Variants in PDE1C observed in about 807,000 individuals in gnomAD.
PDE1C encodes phosphodiesterase 1C, also known as dual specificity calcium/calmodulin-dependent 3',5'-cyclic nucleotide phosphodiesterase 1C.
PDE1C carries 62 observed loss-of-function variants against 93.1 expected under a neutral mutation model. The observed-to-expected ratio is 0.67, with a 90% CI of 0.54 to 0.82. The LOEUF (loss-of-function observed/expected upper bound fraction) is 0.82. Ranked by LOEUF, PDE1C falls within the 40% of genes least tolerant of loss-of-function variation. PDE1C has a pLI of 0.00. For missense variants in PDE1C, 742 were observed against 884.6 expected (o/e 0.84, Z 2.04); for synonymous variants, 325 against 310.1 (o/e 1.05, Z -0.50).
At chr7:32,425,956 GAGGA>G (rs111260782) in intron 1 of PDE1C, among the ~76,000 whole-genome samples, 3 of 151,786 alleles carry the variant, frequency 2.0e-5, no homozygotes, top group East Asian at 3.9e-4. Context: ...AAAAAAGAAA[GAGGA>G]AGGAAGGAAG....
At chr7:31,669,383 C>CA in the PDE1C span, among the ~76,000 whole-genome samples, 1 of 151,984 alleles carries the variant, frequency 6.6e-6, no homozygotes, top group Admixed American at 6.6e-5. Flanking sequence ...ACAAGATATA[C>CA]AAAAAATAAT....
At chr7:32,107,356 G>A (rs551297019) in intron 3 of PDE1C, among the ~76,000 whole-genome samples, 1 of 150,982 alleles carries the variant, frequency 6.6e-6, no homozygotes, top group South Asian at 2.1e-4. Flanking sequence ...GGAAGGGAGA[G>A]AAGGAGGGAG....
At chr7:32,073,434 A>G (rs1312410362), upstream of PDE1C, among the ~76,000 whole-genome samples, 1 of 152,212 alleles carries the variant, frequency 6.6e-6, no homozygotes, top group East Asian at 1.9e-4. Context: ...TAAATAATAT[A>G]AGGAACTCAA....
At chr7:32,329,901 G>A (rs1037829922) in intron 1 of PDE1C, among the ~76,000 whole-genome samples, 3 of 152,226 alleles carry the variant, frequency 2.0e-5, no homozygotes, top group African/African-American at 7.2e-5. Context: ...CTTCAGGCTT[G>A]GAGCCTGTTT....
exon 1 of PDE1C, chr7:32,298,801 G>A (rs956948716): frequency 2.0e-6 from 3 of 1,531,958 alleles, no homozygotes; most frequent in African/African-American, 2.8e-5. Context: ...CCCCACGGCG[G>A]AGTGAGCAGC....
the PDE1C span, among the ~76,000 whole-genome samples, chr7:31,745,175 A>T: frequency 1.3e-5 from 2 of 152,168 alleles, no homozygotes; most frequent in Non-Finnish European, 2.9e-5. Context: ...GTTGGAACCA[A>T]TTGCCTGGCG....
At position 31,811,286 on chromosome 7, in the gene PDE1C, C is replaced by T. The variant is rs1002399110; in HGVS notation, c.1814-2178G>A. 3.6e-4 allele frequency among the ~76,000 whole-genome samples: 55 copies of T among 152,066 alleles called. 2 individuals carry two copies. Among genetic ancestry groups the T allele is most frequent in the South Asian group, 2.1e-4 (1 of 4,832 alleles). ...CATGATTGTGAAGCCTCCCCAGCCA[C>T]GTGGAACTGTGAGTCCATTAAGCTT... On this transcript the variant is annotated intron_variant, in intron 15 of 17. Coordinates refer to ENST00000396191, the MANE Select transcript of PDE1C (RefSeq NM_001191057.4).
At chr7:32,063,918 A>T (rs572362904) in intron 1 of PDE1C, among the ~76,000 whole-genome samples, 2 of 152,312 alleles carry the variant, frequency 1.3e-5, no homozygotes, top group South Asian at 4.1e-4. Flanking sequence ...TCCTGATGGT[A>T]AGGATTTTCT....
intron 2 of PDE1C, among the ~76,000 whole-genome samples, chr7:31,947,593 A>T (rs1039251833): frequency 5.3e-5 from 8 of 152,302 alleles, no homozygotes; most frequent in Admixed American, 4.6e-4. Flanking sequence ...ACTGCTGCTA[A>T]GCAAAGAACC....
intron 2 of PDE1C, among the ~76,000 whole-genome samples, chr7:31,920,543 T>C (rs1009860605): frequency 2.6e-5 from 4 of 151,170 alleles, no homozygotes; most frequent in African/African-American, 4.9e-5. Flanking sequence ...TATAGCCACC[T>C]TGTTAAGTCT....
intron 1 of PDE1C, among the ~76,000 whole-genome samples, chr7:32,314,276 A>G (rs1057202687): frequency 6.6e-6 from 1 of 152,156 alleles, no homozygotes; most frequent in African/African-American, 2.4e-5. Flanking sequence ...TCTTTCACTA[A>G]CTAGAAAACA....
At chr7:31,633,917 A>G in the PDE1C span, among the ~76,000 whole-genome samples, 4 of 152,128 alleles carry the variant, frequency 2.6e-5, no homozygotes, top group Non-Finnish European at 5.9e-5. Context: ...GTAACTTTCA[A>G]TTTTATAGCT....
chr7:32,099,609 A>G (rs1797944435), intron 3 of PDE1C, among the ~76,000 whole-genome samples: 1 of 152,168 alleles, frequency 6.6e-6, no homozygotes, highest in Non-Finnish European at 1.5e-5. Context: ...ACCTCTCTGG[A>G]TTCCTTTTAT....
the PDE1C span, chr7:31,643,667 C>T: frequency 6.2e-7 from 1 of 1,614,076 alleles, no homozygotes; most frequent in Non-Finnish European, 8.5e-7. Context: ...CAGACTTCAG[C>T]TCTAAGCAAC....
chr7:32,388,668 G>A (rs1784687022), intron 1 of PDE1C, among the ~76,000 whole-genome samples: 1 of 106,960 alleles, frequency 9.3e-6, no homozygotes, highest in South Asian at 3.4e-4. Flanking sequence ...GAAAGAATGG[G>A]TCCCATTTCT....
rs1403002520 is a variant in PDE1C, at chr7:31,751,875, T to C, written c.*1509A>G. On this transcript the variant is annotated 3_prime_UTR_variant, in exon 18 of 18. Coordinates refer to ENST00000396191, the MANE Select transcript of PDE1C (RefSeq NM_001191057.4). Reference sequence around the variant, plus strand: ...GAGAAGGAGAGGACACTAAACTCTTTACAATCAAGCCTGGAAGGTCGAGGC... The same window carrying C: ...GAGAAGGAGAGGACACTAAACTCTTCACAATCAAGCCTGGAAGGTCGAGGC... 1 of 152,124 alleles carries C rather than the reference T, an allele frequency of 6.6e-6. No individual in the cohort carries two copies. The highest frequency in any genetic ancestry group is 2.4e-5 in the African/African-American group (1 of 41,426). The allele number at this position is 152,124 out of a possible 1,614,324, so 9.4% of individuals were successfully genotyped here.
chr7:31,948,926 C>T (rs183582665), intron 2 of PDE1C, among the ~76,000 whole-genome samples: 1 of 152,260 alleles, frequency 6.6e-6, no homozygotes, highest in Non-Finnish European at 1.5e-5. Flanking sequence ...CCTAATCTTA[C>T]AGTAATCCTA....
At chr7:31,838,079 CA>C (rs1044121972) in intron 9 of PDE1C, 108 bp from the exon 10 acceptor site, 31 of 723,746 alleles carry the variant, frequency 4.3e-5, no homozygotes, top group Non-Finnish European at 7.5e-5. Context: ...CGATTTCTGA[CA>C]TTTCTAATCT....
At chr7:31,854,191 C>T (rs1044532981) in intron 7 of PDE1C, among the ~76,000 whole-genome samples, 1 of 152,100 alleles carries the variant, frequency 6.6e-6, no homozygotes, top group Admixed American at 6.6e-5. Context: ...CACTCCTAGC[C>T]TCACTGAGTG....
Sources: allele counts gnomAD v4.1 joint callset (sites outside exome capture counted in the v4.1 genomes callset), GRCh38; gene constraint gnomAD v4.1.1; transcripts MANE v1.5; gene names NCBI Gene and HGNC (gene_info 2026-07-23, HGNC 2026-07-21).